Variants in VAV3 observed in about 807,000 individuals in gnomAD.
The protein encoded by VAV3 is vav guanine nucleotide exchange factor 3.
Under a neutral mutation model 131.2 loss-of-function variants are expected in VAV3, and 94 were observed. The ratio of observed to expected loss-of-function variants is 0.72; its 90% CI spans 0.61 to 0.85. The LOEUF (loss-of-function observed/expected upper bound fraction) is 0.85, where lower values mean the gene tolerates loss of function less well. Ranked by LOEUF, VAV3 falls within the 40% of genes least tolerant of loss-of-function variation. The pLI, the probability that VAV3 is intolerant of heterozygous loss-of-function variation, is 0.00. For synonymous variants in VAV3, 349 were observed against 342.0 expected, an observed-to-expected ratio of 1.02 and a Z score of -0.22; for missense variants, 939 against 1,002.7, an observed-to-expected ratio of 0.94 and a Z score of 0.86.
At chr1:107,922,580 A>T (rs933504325) in intron 1 of VAV3, among the ~76,000 whole-genome samples, 1 of 152,222 alleles carries the variant, frequency 6.6e-6, no homozygotes, top group Non-Finnish European at 1.5e-5. Context: ...ATTTTTAAGA[A>T]CATTAAGAGG....
At chr1:107,700,782 G>A (rs769869080) in intron 17 of VAV3, among the ~76,000 whole-genome samples, 5 of 152,180 alleles carry the variant, frequency 3.3e-5, no homozygotes, top group African/African-American at 4.8e-5. Flanking sequence ...TATCTTTATA[G>A]TAGAATGATT....
At chr1:107,793,993 T>C (rs1373022114) in intron 2 of VAV3, among the ~76,000 whole-genome samples, 1 of 152,186 alleles carries the variant, frequency 6.6e-6, no homozygotes, top group Non-Finnish European at 1.5e-5. Flanking sequence ...CTTTAGAAAA[T>C]CTGATCTGAC....
rs528793315 is a variant in VAV3 at position 107,734,939 on chromosome 1, T to C, written c.1502+14029A>G. 1.0e-3 allele frequency among the ~76,000 whole-genome samples: 155 copies of C among 152,298 alleles called. 1 individual carries two copies. The highest frequency in any genetic ancestry group is 3.6e-3 in the African/African-American group (150 of 41,576). On this transcript the variant is annotated intron_variant, in intron 15 of 26. Coordinates refer to ENST00000370056, the MANE Select transcript of VAV3 (RefSeq NM_006113.5). ...GCACCACATCACACTTATTCCAAAA[T>C]TGACCACATAGTTGGAAGTAAAACA... is the stretch of plus-strand genomic sequence containing the variant.
At chr1:107,813,811 A>G (rs896203914) in intron 2 of VAV3, among the ~76,000 whole-genome samples, 2 of 152,010 alleles carry the variant, frequency 1.3e-5, no homozygotes, top group Non-Finnish European at 2.9e-5. Context: ...CTCTACCTCC[A>G]TTAGATCAAC....
intron 15 of VAV3, among the ~76,000 whole-genome samples, chr1:107,705,286 C>T (rs897390315): frequency 1.3e-5 from 2 of 151,044 alleles, no homozygotes; most frequent in South Asian, 4.3e-4. Context: ...ACATAGCAAC[C>T]TAATCCTCCT....
At chr1:107,574,318 G>A (rs958379769) in intron 25 of VAV3, 120 bp from the exon 26 acceptor site, 5 of 1,232,916 alleles carry the variant, frequency 4.1e-6, no homozygotes, top group Admixed American at 5.0e-5. Flanking sequence ...TTACAGACCA[G>A]CGATAATGGC....
chr1:107,865,391 G>GT (rs1669936766), intron 2 of VAV3, among the ~76,000 whole-genome samples: 2 of 152,276 alleles, frequency 1.3e-5, no homozygotes, highest in Admixed American at 6.5e-5. Flanking sequence ...TTTAAGCAGT[G>GT]TGTGTATGAG....
intron 1 of VAV3, among the ~76,000 whole-genome samples, chr1:107,903,842 C>T (rs1671982924): frequency 6.6e-6 from 1 of 152,178 alleles, no homozygotes; most frequent in African/African-American, 2.4e-5. Flanking sequence ...ACCTCCCACA[C>T]TTATGGCCTT....
intron 2 of VAV3, among the ~76,000 whole-genome samples, chr1:107,796,285 T>C (rs1286136783): frequency 6.6e-6 from 1 of 152,140 alleles, no homozygotes; most frequent in Non-Finnish European, 1.5e-5. Flanking sequence ...CTGAGTGGCA[T>C]GGGTTATTTG....
chr1:107,794,540 CTCTT>C (rs1666448266), intron 2 of VAV3, among the ~76,000 whole-genome samples: 3 of 152,110 alleles, frequency 2.0e-5, no homozygotes, highest in African/African-American at 7.2e-5. Context: ...ATTCCCTTCT[CTCTT>C]TCATTCTAAG....
chr1:107,624,782 T>G (rs1028653846), intron 20 of VAV3, among the ~76,000 whole-genome samples: 1 of 152,184 alleles, frequency 6.6e-6, no homozygotes, highest in African/African-American at 2.4e-5. Flanking sequence ...AAGTAGTGCT[T>G]TAAAGAAAAG....
chr1:107,900,883 A>G lies in VAV3; in HGVS notation c.205-25866T>C, dbSNP rs550225522. ...ATTATACAAGAAAATAGTGTCCACA[A>G]GTTATTTTTTTACTCACTCAGTCTT... On this transcript the variant is annotated intron_variant, in intron 1 of 26. Coordinates refer to ENST00000370056, the MANE Select transcript of VAV3 (RefSeq NM_006113.5). 9.8e-5 allele frequency among the ~76,000 whole-genome samples: 15 copies of G among 152,328 alleles called. No individual in the cohort carries two copies. In the South Asian group the frequency reaches 1.2e-3, roughly 13 times the overall value.
At chr1:107,574,336 C>T in intron 25 of VAV3, 138 bp from the exon 26 acceptor site, 2 of 1,060,762 alleles carry the variant, frequency 1.9e-6, no homozygotes, top group South Asian at 4.6e-5. Flanking sequence ...GGCAGAGGAG[C>T]TTGAAAGCAG....
At chr1:107,662,937 G>C (rs1394567338) in intron 19 of VAV3, among the ~76,000 whole-genome samples, 1 of 152,114 alleles carries the variant, frequency 6.6e-6, no homozygotes, top group African/African-American at 2.4e-5. Flanking sequence ...CCTGCACATC[G>C]ACTTCTCGGG....
intron 15 of VAV3, among the ~76,000 whole-genome samples, chr1:107,711,279 A>C (rs998039106): frequency 1.3e-5 from 2 of 152,232 alleles, no homozygotes; most frequent in African/African-American, 4.8e-5. Flanking sequence ...TAATATGTGT[A>C]GCATCTCTGT....
At chr1:107,841,273 G>A (rs138337182) in intron 2 of VAV3, among the ~76,000 whole-genome samples, 1,562 of 151,968 alleles carry the variant, frequency 0.01, 27 homozygotes, top group African/African-American at 0.036. Context: ...TTCATATTCT[G>A]GTGTATTTAG....
At position 107,636,688 on chromosome 1, in the gene VAV3, T is replaced by C. The variant is rs554980809; in HGVS notation, c.1914+5931A>G. Among the ~76,000 whole-genome samples the C allele has an allele frequency of 1.2e-4, 19 of 152,304 alleles. No individual in the cohort carries two copies. The South Asian group carries it at 2.9e-3, about 23-fold the overall frequency. On this transcript the variant is annotated intron_variant, in intron 20 of 26. Transcript: ENST00000370056. Reference sequence around the variant, plus strand: ...AGAATGGTTGCATGGGCCCTCCAAGTATAGTTTCTACTGCATGTGTATCAT... The same window carrying C: ...AGAATGGTTGCATGGGCCCTCCAAGCATAGTTTCTACTGCATGTGTATCAT...
At chr1:107,750,569 C>T (rs773634612) in intron 13 of VAV3, among the ~76,000 whole-genome samples, 4 of 152,166 alleles carry the variant, frequency 2.6e-5, no homozygotes, top group South Asian at 2.1e-4. Flanking sequence ...GCTGATGCTG[C>T]CCCCTACTGG....
intron 2 of VAV3, among the ~76,000 whole-genome samples, chr1:107,825,411 C>A (rs188791609): frequency 6.6e-6 from 1 of 151,812 alleles, no homozygotes; most frequent in East Asian, 1.9e-4. Flanking sequence ...ATATGATTAC[C>A]CTTTACCAAA....
Sources: gnomAD v4.1 joint callset for allele counts (sites outside exome capture counted in the v4.1 genomes callset) on GRCh38, gnomAD v4.1.1 for gene constraint, MANE v1.5 for transcripts, NCBI Gene and HGNC (gene_info 2026-07-23, HGNC 2026-07-21) for gene names.